Variants in RIPOR2 observed in about 807,000 individuals in gnomAD.
RIPOR2 encodes the protein rho family-interacting cell polarization regulator 2.
In RIPOR2, 39 loss-of-function variants were observed where a neutral mutation model predicts 114.5. The observed-to-expected ratio is 0.34, with a 90% confidence interval of 0.26 to 0.44. RIPOR2 has a LOEUF of 0.44. Ranked by LOEUF, RIPOR2 falls within the 20% of genes least tolerant of loss-of-function variation. RIPOR2 has a pLI of 1.00. For missense variants in RIPOR2, 1,007 were observed against 1,255.1 expected, an observed-to-expected ratio of 0.80 and a Z score of 2.99; for synonymous variants, 445 against 484.4, an observed-to-expected ratio of 0.92 and a Z score of 1.07.
At chr6:24,877,915 C>A (rs747346344) in intron 1 of RIPOR2, among the ~76,000 whole-genome samples, 38 of 151,950 alleles carry the variant, frequency 2.5e-4, no homozygotes, top group African/African-American at 8.7e-4. Context: ...GCAGGAAGGA[C>A]GGTTAGGAAC....
At chr6:24,876,676 A>G (rs1311838792) in intron 1 of RIPOR2, among the ~76,000 whole-genome samples, 1 of 152,226 alleles carries the variant, frequency 6.6e-6, no homozygotes, top group African/African-American at 2.4e-5. Flanking sequence ...TAAGAAGGGT[A>G]AAGGGAGTGC....
chr6:24,956,695 G>A (rs1452516309), intron 1 of RIPOR2, among the ~76,000 whole-genome samples: 1 of 152,066 alleles, frequency 6.6e-6, no homozygotes, highest in Non-Finnish European at 1.5e-5. Context: ...CTGCCGCAGA[G>A]GCTGGAGTTT....
At chr6:24,971,617 A>C (rs1581893806) in intron 1 of RIPOR2, among the ~76,000 whole-genome samples, 2 of 152,244 alleles carry the variant, frequency 1.3e-5, no homozygotes, top group East Asian at 3.8e-4. Context: ...ATCTGTTCTG[A>C]CTAAATGATT....
chr6:25,033,523 C>G (rs1777099828), intron 1 of RIPOR2, among the ~76,000 whole-genome samples: 1 of 152,200 alleles, frequency 6.6e-6, no homozygotes, highest in African/African-American at 2.4e-5. Flanking sequence ...TAAAAACCAA[C>G]ATCTGGGTAC....
intron 14 of RIPOR2, among the ~76,000 whole-genome samples, chr6:24,837,343 G>A (rs369343025): frequency 8.5e-4 from 129 of 151,532 alleles, no homozygotes; most frequent in African/African-American, 3.1e-3. Context: ...GGCTGGTCTC[G>A]AACTCTGACC....
Position 24,908,889 on chromosome 6 carries a change from C to T in RIPOR2, c.61+26949G>A, listed in dbSNP as rs114483550. 2.3e-3 allele frequency among the ~76,000 whole-genome samples: 349 copies of T among 152,268 alleles called. 1 individual carries two copies. Among genetic ancestry groups the T allele is most frequent in the South Asian group, 0.022 (106 of 4,826 alleles). Reference sequence around the variant, plus strand: ...ATCAGAATTCTATGCAACTCCCTAGCGCATGCTTTCGGTTTTCTTTCTCTG... The same window carrying T: ...ATCAGAATTCTATGCAACTCCCTAGTGCATGCTTTCGGTTTTCTTTCTCTG... On this transcript the variant is annotated intron_variant, in intron 1 of 21. Coordinates refer to ENST00000643898, the MANE Select transcript of RIPOR2 (RefSeq NM_001286445.3).
chr6:24,967,909 CT>C (rs35997558), intron 1 of RIPOR2, among the ~76,000 whole-genome samples: 43,213 of 121,436 alleles, frequency 0.36, 7,480 homozygotes, highest in African/African-American at 0.41. Flanking sequence ...AGATCTCAAT[CT>C]TTTTTTTTTT....
intron 12 of RIPOR2, chr6:24,847,410 G>A (rs1762421862): frequency 3.7e-6 from 3 of 818,296 alleles, no homozygotes; most frequent in South Asian, 2.7e-5. Context: ...CAAGTGTCCC[G>A]CCCCAAGGAC....
Position 24,832,430 on chromosome 6 carries a change from T to G in RIPOR2, c.2209-39A>C, listed in dbSNP as rs900036486. 7.1e-6 allele frequency: 11 copies of G among 1,546,074 alleles called. 1 individual carries two copies. In the Admixed American group the frequency reaches 2.0e-4, roughly 28 times the overall value. ...CAAAACTCCTGTTTCAATTATGTTG[T>G]TTTCAGTAGAGCTTTCTCTACCCAG... On this transcript the variant is annotated intron_variant, in intron 15 of 21. Transcript: ENST00000643898.
At chr6:24,849,713 G>A in intron 11 of RIPOR2, 89 bp downstream of exon 11, 1 of 1,163,412 alleles carries the variant, frequency 8.6e-7, no homozygotes, top group South Asian at 1.4e-5. Context: ...AAGCTCCCTG[G>A]TGATGCGGAT....
chr6:24,918,943 C>G (rs544660867), intron 1 of RIPOR2, among the ~76,000 whole-genome samples: 42 of 152,276 alleles, frequency 2.8e-4, no homozygotes, highest in Middle Eastern at 3.4e-3. Context: ...TCTTTCCTTC[C>G]TAAGTCACTC....
chr6:24,848,114 C>T lies in RIPOR2; in HGVS notation c.1075G>A (p.Gly359Arg). 6.2e-7 allele frequency: 1 copy of T among 1,613,838 alleles called. No individual in the cohort carries two copies. Among genetic ancestry groups the T allele is most frequent in the Non-Finnish European group, 8.5e-7 (1 of 1,179,840 alleles). Residue 359 changes from glycine (G) to arginine (R), a missense_variant, in exon 12 of 22, where the codon GGG (glycine) becomes AGG (arginine). Coordinates refer to ENST00000643898, the MANE Select transcript of RIPOR2 (RefSeq NM_001286445.3). ...CTCTGAAGGGCTGCTGCCTTGTTCC[C>T]AGCGCCTGAGGATGCGGTCATGTCC... ...VEDMTASSGA[G>R]NKAAALQRRM...
intron 1 of RIPOR2, among the ~76,000 whole-genome samples, chr6:25,034,346 T>C (rs940249711): frequency 6.6e-6 from 1 of 152,110 alleles, no homozygotes; most frequent in African/African-American, 2.4e-5. Flanking sequence ...GTAAGGGGTG[T>C]GTATATAGTT....
At chr6:25,023,790 C>T (rs1311164791) in intron 1 of RIPOR2, 3 of 780,904 alleles carry the variant, frequency 3.8e-6, no homozygotes, top group African/African-American at 3.4e-5. Context: ...ACGTTGGTCA[C>T]CTTCACGGGG....
At chr6:24,980,848 C>T (rs993189406) in intron 1 of RIPOR2, among the ~76,000 whole-genome samples, 2 of 152,134 alleles carry the variant, frequency 1.3e-5, no homozygotes, top group Non-Finnish European at 2.9e-5. Flanking sequence ...AGGATGGGAG[C>T]AGAGAAGGTG....
intron 1 of RIPOR2, among the ~76,000 whole-genome samples, chr6:24,975,559 T>C (rs1561819607): frequency 6.6e-6 from 1 of 152,192 alleles, no homozygotes; most frequent in Non-Finnish European, 1.5e-5. Context: ...GGTGCACACC[T>C]GTAGTCCCAG....
rs1053923419 is a variant in RIPOR2, at chr6:24,869,116, C to A, written c.479G>T (p.Arg160Leu). 2 of 1,586,320 alleles carry A rather than the reference C, an allele frequency of 1.3e-6. No homozygotes were observed. Among genetic ancestry groups the A allele is most frequent in the Non-Finnish European group, 1.7e-6 (2 of 1,160,416 alleles). ...QIKTIERYMR[R>L]LEFHISKVDE... Reference sequence around the variant, plus strand: ...TACCTTACTTATATGAAACTCCAGGCGTCTCATGTATCTTTCAATTGTTTT... The same window carrying A: ...TACCTTACTTATATGAAACTCCAGGAGTCTCATGTATCTTTCAATTGTTTT... Residue 160 changes from arginine (R) to leucine (L), a missense_variant, in exon 6 of 22, where the codon CGC becomes CTC. Arg to Leu is a moderately radical substitution (Grantham distance 102, BLOSUM62 -2). Coordinates refer to ENST00000643898, the MANE Select transcript of RIPOR2 (RefSeq NM_001286445.3).
intron 1 of RIPOR2, among the ~76,000 whole-genome samples, chr6:24,934,304 A>T (rs1280755822): frequency 2.0e-5 from 3 of 152,200 alleles, no homozygotes; most frequent in Non-Finnish European, 4.4e-5. Context: ...GGGGCCTAAG[A>T]TCAAACTTCA....
intron 1 of RIPOR2, among the ~76,000 whole-genome samples, chr6:24,971,095 A>G (rs1209601792): frequency 6.6e-6 from 1 of 152,236 alleles, no homozygotes; most frequent in Admixed American, 6.5e-5. Flanking sequence ...AAAGTGGACT[A>G]CTAAAGGGAT....
Sources: gnomAD v4.1 joint callset for allele counts (sites outside exome capture counted in the v4.1 genomes callset) on GRCh38, gnomAD v4.1.1 for gene constraint, MANE v1.5 for transcripts, NCBI Gene and HGNC (gene_info 2026-07-23, HGNC 2026-07-21) for gene names.